Variants in DIAPH2 observed in about 807,000 individuals in gnomAD.
The protein encoded by DIAPH2 is diaphanous related formin 2, also known as protein diaphanous homolog 2.
A neutral mutation model predicts 92.7 loss-of-function variants in DIAPH2; 35 were observed. That is an observed-to-expected ratio of 0.38 (90% CI 0.29 to 0.50). The LOEUF is 0.50. Among genes scored for constraint, DIAPH2 ranks in the 20% least tolerant of loss-of-function variants. DIAPH2 has a pLI of 0.94. For synonymous variants in DIAPH2, 301 were observed against 280.4 expected, an observed-to-expected ratio of 1.07 and a Z score of -0.73; for missense variants, 701 against 819.5, an observed-to-expected ratio of 0.86 and a Z score of 1.77.
chrX:96,895,591 G>A (rs2065339878), intron 5 of DIAPH2, among the ~76,000 whole-genome samples: 1 of 111,799 alleles, frequency 8.9e-6, no homozygotes, highest in African/African-American at 3.2e-5. Flanking sequence ...TGATCCTTGT[G>A]TGTATGATTT....
At chrX:97,370,277 G>T (rs1449989056) in intron 24 of DIAPH2, among the ~76,000 whole-genome samples, 1 of 111,496 alleles carries the variant, frequency 9.0e-6, no homozygotes, top group Non-Finnish European at 1.9e-5. Flanking sequence ...TTCAATGGCA[G>T]TATGTCCAGA....
chrX:96,875,051 C>T (rs1569417662), intron 4 of DIAPH2, among the ~76,000 whole-genome samples: 1 of 112,108 alleles, frequency 8.9e-6, no homozygotes, highest in Non-Finnish European at 1.9e-5. Context: ...GTGGCCAAAA[C>T]TTTGTTTCAT....
intron 26 of DIAPH2, among the ~76,000 whole-genome samples, chrX:97,594,655 G>C (rs2071539083): frequency 8.9e-6 from 1 of 112,519 alleles, no homozygotes; most frequent in East Asian, 2.8e-4. Context: ...ACTTTCAAAG[G>C]GCTTTGGAGA....
At chrX:97,197,521 A>G (rs924540400) in intron 22 of DIAPH2, among the ~76,000 whole-genome samples, 5 of 112,407 alleles carry the variant, frequency 4.4e-5, no homozygotes, top group Non-Finnish European at 9.4e-5. Context: ...AGTTATTCTT[A>G]TAAACTTCCT....
intron 23 of DIAPH2, among the ~76,000 whole-genome samples, chrX:97,263,587 A>C (rs1040717536): frequency 9.5e-6 from 1 of 104,800 alleles, no homozygotes; most frequent in African/African-American, 3.6e-5. Flanking sequence ...TTATTTATTT[A>C]TTTATTTATT....
chrX:97,516,754 C>A (rs2070951980), intron 26 of DIAPH2, among the ~76,000 whole-genome samples: 1 of 112,133 alleles, frequency 8.9e-6, no homozygotes, highest in Admixed American at 9.4e-5. Flanking sequence ...TAAGGTCTTG[C>A]TCTGTTGTCC....
At chrX:97,146,301 A>G in intron 22 of DIAPH2, among the ~76,000 whole-genome samples, 1 of 109,446 alleles carries the variant, frequency 9.1e-6, no homozygotes. Flanking sequence ...CTCTTTGTAA[A>G]ATGATCCCGT....
intron 4 of DIAPH2, among the ~76,000 whole-genome samples, chrX:96,773,236 T>TCCCC (rs201670201): frequency 1.6e-4 from 15 of 91,467 alleles, no homozygotes; most frequent in East Asian, 3.9e-4. Context: ...GCTGAATTGT[T>TCCCC]TCCCCCCCCC....
intron 17 of DIAPH2, among the ~76,000 whole-genome samples, chrX:97,013,417 G>A (rs962431152): frequency 3.6e-5 from 4 of 111,765 alleles, no homozygotes; most frequent in African/African-American, 9.8e-5. Flanking sequence ...AAGAAAAAGT[G>A]GGGGAGGGAG....
chrX:97,186,740 T>C (rs1258181928), intron 22 of DIAPH2, among the ~76,000 whole-genome samples: 2 of 112,004 alleles, frequency 1.8e-5, no homozygotes, highest in South Asian at 3.7e-4. Flanking sequence ...CTGGCTTGCA[T>C]ACTACAGGAT....
At chrX:97,407,954 A>G (rs976828039) in intron 25 of DIAPH2, among the ~76,000 whole-genome samples, 2 of 111,979 alleles carry the variant, frequency 1.8e-5, no homozygotes, top group African/African-American at 6.5e-5. Context: ...TGGTTTTACC[A>G]GCTTTGGGGA....
At chrX:97,388,807 C>A (rs2069625872) in intron 25 of DIAPH2, among the ~76,000 whole-genome samples, 1 of 110,762 alleles carries the variant, frequency 9.0e-6, no homozygotes, top group Non-Finnish European at 1.9e-5. Context: ...AATAGTAAAC[C>A]TTTTCATGTT....
chrX:97,389,879 C>A (rs1349091768), intron 25 of DIAPH2, among the ~76,000 whole-genome samples: 1 of 110,918 alleles, frequency 9.0e-6, no homozygotes, highest in Non-Finnish European at 1.9e-5. Context: ...GGGATGAAAT[C>A]ATCAGGATGT....
At position 97,476,385 on chromosome X, in the gene DIAPH2, T is replaced by C. The variant is rs142675189; in HGVS notation, c.3241+46640T>C. On this transcript the variant is annotated intron_variant, in intron 26 of 26. Coordinates refer to ENST00000324765, the MANE Select transcript of DIAPH2 (RefSeq NM_006729.5). ...GAGTGAAGTTCAGCTTGGGTTTATG[T>C]TAGCAAAATGGCAAATGTAGAGGCA... Among the ~76,000 whole-genome samples the C allele has an allele frequency of 6.5e-3, 733 of 112,056 alleles. 7 individuals carry two copies. The highest frequency in any genetic ancestry group is 8.5e-3 in the Non-Finnish European group (454 of 53,276).
intron 5 of DIAPH2, chrX:96,884,408 C>G (rs1451925063): frequency 2.0e-5 from 24 of 1,207,524 alleles, no homozygotes; most frequent in Non-Finnish European, 2.6e-5. Flanking sequence ...GCAACTCCTG[C>G]TATTAAGACC....
intron 23 of DIAPH2, among the ~76,000 whole-genome samples, chrX:97,295,136 T>G (rs893005193): frequency 8.9e-6 from 1 of 111,989 alleles, no homozygotes; most frequent in African/African-American, 3.2e-5. Context: ...TTTCTTTTAA[T>G]GTTACCATCA....
intron 17 of DIAPH2, among the ~76,000 whole-genome samples, chrX:96,986,033 A>G (rs768071721): frequency 9.9e-5 from 11 of 111,639 alleles, no homozygotes; most frequent in Non-Finnish European, 1.9e-4. Context: ...TCTTGAAAAA[A>G]TATAAACCAA....
intron 22 of DIAPH2, among the ~76,000 whole-genome samples, chrX:97,238,884 C>A (rs1217241537): frequency 9.0e-6 from 1 of 111,271 alleles, no homozygotes; most frequent in Non-Finnish European, 1.9e-5. Context: ...GTATGCCGTT[C>A]CGCTGATAGT....
chrX:96,873,839 T>A (rs780351357), intron 4 of DIAPH2, among the ~76,000 whole-genome samples: 8 of 110,911 alleles, frequency 7.2e-5, no homozygotes, highest in African/African-American at 2.6e-4. Flanking sequence ...GATGTTACCA[T>A]TGGGGGAAAA....
Sources: allele counts gnomAD v4.1 joint callset (sites outside exome capture counted in the v4.1 genomes callset), GRCh38; gene constraint gnomAD v4.1.1; transcripts MANE v1.5; gene names NCBI Gene and HGNC (gene_info 2026-07-23, HGNC 2026-07-21).